PRKCE: variants seen among roughly 807,000 people sequenced by gnomAD.
PRKCE encodes protein kinase C epsilon type.
Under a neutral mutation model 85.4 loss-of-function variants are expected in PRKCE, and 16 were observed. The observed-to-expected ratio is 0.19, with a 90% CI of 0.13 to 0.28. The LOEUF is 0.28. PRKCE is among the 10% of genes least tolerant of loss of function. PRKCE has a pLI of 1.00. For synonymous variants in PRKCE, 388 were observed against 371.5 expected, an observed-to-expected ratio of 1.04 and a Z score of -0.51; for missense variants, 573 against 975.2, an observed-to-expected ratio of 0.59 and a Z score of 5.49.
chr2:46,136,836 C>A (rs1262464972), intron 11 of PRKCE, among the ~76,000 whole-genome samples: 5 of 152,214 alleles, frequency 3.3e-5, no homozygotes, highest in African/African-American at 1.2e-4. Context: ...TCTCACCGGG[C>A]TATGCTAAAA....
At chr2:45,853,395 A>T (rs1222710588) in intron 2 of PRKCE, among the ~76,000 whole-genome samples, 4 of 152,158 alleles carry the variant, frequency 2.6e-5, no homozygotes, top group African/African-American at 9.7e-5. Flanking sequence ...AGGATATTGA[A>T]TTTTTTGTTT....
chr2:45,735,999 C>A (rs1042077702), intron 1 of PRKCE, among the ~76,000 whole-genome samples: 1 of 152,150 alleles, frequency 6.6e-6, no homozygotes, highest in Non-Finnish European at 1.5e-5. Context: ...GTCTCACCGT[C>A]ACCCAGGCTG....
chr2:45,847,213 C>G (rs772645007), intron 2 of PRKCE, among the ~76,000 whole-genome samples: 3 of 152,236 alleles, frequency 2.0e-5, no homozygotes, highest in Non-Finnish European at 2.9e-5. Context: ...CTGAGCCACT[C>G]ATTTGCATTC....
chr2:45,932,745 G>T (rs1194974846), intron 2 of PRKCE, among the ~76,000 whole-genome samples: 2 of 151,906 alleles, frequency 1.3e-5, no homozygotes, highest in East Asian at 3.9e-4. Flanking sequence ...AACCTTTTTC[G>T]TCTTTCCAAG....
intron 2 of PRKCE, among the ~76,000 whole-genome samples, chr2:45,917,073 A>C (rs1003743375): frequency 6.6e-6 from 1 of 152,288 alleles, no homozygotes; most frequent in African/African-American, 2.4e-5. Flanking sequence ...CTGCTGGCTC[A>C]GGCAGCCTGC....
chr2:46,045,626 C>T (rs1317821222), intron 10 of PRKCE, among the ~76,000 whole-genome samples: 1 of 152,212 alleles, frequency 6.6e-6, no homozygotes, highest in Non-Finnish European at 1.5e-5. Context: ...CGCCTGTAAT[C>T]CCAGCACTTT....
At chr2:46,131,693 G>A (rs1336058393) in intron 11 of PRKCE, among the ~76,000 whole-genome samples, 1 of 152,200 alleles carries the variant, frequency 6.6e-6, no homozygotes, top group Non-Finnish European at 1.5e-5. Flanking sequence ...GAAGGCATGT[G>A]GAGAACATGG....
In PRKCE at chr2:46,184,730, C is replaced by T; in HGVS notation, c.2068-5C>T. 6.3e-7 allele frequency: 1 copy of T among 1,599,384 alleles called. No individual in the cohort carries two copies. Among genetic ancestry groups the T allele is most frequent in the East Asian group, 2.2e-5 (1 of 44,876 alleles). On this transcript the variant is annotated splice_region_variant and splice_polypyrimidine_tract_variant and intron_variant, in intron 14 of 14. Transcript: ENST00000306156. This position sits in a 1 kb window ranked among gnomAD's most constrained non-coding sequence, Gnocchi z 5.0. ...AACTCACCACTTTCTCTTTTCTTCC[C>T]ACAGAAAACCAAAAGAGACGTCAAT...
intron 11 of PRKCE, among the ~76,000 whole-genome samples, chr2:46,140,013 A>G (rs1675358262): frequency 6.6e-6 from 1 of 152,200 alleles, no homozygotes; most frequent in Admixed American, 6.5e-5. Flanking sequence ...TATAAGATCT[A>G]TATGAGAGAA....
At chr2:45,943,605 T>A (rs1270019543) in intron 2 of PRKCE, among the ~76,000 whole-genome samples, 1 of 152,274 alleles carries the variant, frequency 6.6e-6, no homozygotes, top group Non-Finnish European at 1.5e-5. Flanking sequence ...CAGAGCCTTT[T>A]TTTTTCTGTC....
chr2:45,936,212 C>G (rs530477113), intron 2 of PRKCE, among the ~76,000 whole-genome samples: 2 of 152,348 alleles, frequency 1.3e-5, no homozygotes, highest in African/African-American at 4.8e-5. Flanking sequence ...GCTGTGCCCC[C>G]AAGCACCCCT....
At chr2:45,832,603 A>C (rs753283653) in intron 1 of PRKCE, among the ~76,000 whole-genome samples, 1 of 151,574 alleles carries the variant, frequency 6.6e-6, no homozygotes, top group African/African-American at 2.4e-5. Flanking sequence ...GAGCCACCGC[A>C]CCCGGCCAAG....
In PRKCE at chr2:46,155,878, G is replaced by C. The variant is rs13025191; in HGVS notation, c.1921-3728G>C. Among the ~76,000 whole-genome samples, 117,134 of 151,980 alleles carry C rather than the reference G, an allele frequency of 0.77. 45,449 individuals are homozygous for C. The highest frequency in any genetic ancestry group is 0.94 in the East Asian group (4,879 of 5,164). ...CCTCCTAACGGGCAGCCCTTCTTGT[G>C]TCCTTCTCATCTCTGTACGTCTATC... On this transcript the variant is annotated intron_variant, in intron 13 of 14. Coordinates refer to ENST00000306156, the MANE Select transcript of PRKCE (RefSeq NM_005400.3). This position sits in a 1 kb window ranked among gnomAD's most constrained non-coding sequence, Gnocchi z 4.7.
At chr2:46,129,549 T>G (rs1023420807) in intron 11 of PRKCE, among the ~76,000 whole-genome samples, 7 of 152,248 alleles carry the variant, frequency 4.6e-5, no homozygotes, top group Non-Finnish European at 8.8e-5. Context: ...CCATGAATAT[T>G]TGAATACATG....
At chr2:45,834,176 G>A (rs1165004652) in intron 1 of PRKCE, among the ~76,000 whole-genome samples, 1 of 152,170 alleles carries the variant, frequency 6.6e-6, no homozygotes, top group Admixed American at 6.5e-5. Flanking sequence ...GTGGGCCTCT[G>A]GTCCAGCCAA....
chr2:45,771,292 G>A (rs570007895), intron 1 of PRKCE, among the ~76,000 whole-genome samples: 6 of 152,350 alleles, frequency 3.9e-5, no homozygotes, highest in African/African-American at 1.4e-4. Flanking sequence ...AGCAGCATCT[G>A]TTTATATAGG....
At chr2:45,793,604 T>C (rs1687195571) in intron 1 of PRKCE, among the ~76,000 whole-genome samples, 1 of 152,222 alleles carries the variant, frequency 6.6e-6, no homozygotes, top group Non-Finnish European at 1.5e-5. Context: ...TCTCTGATGC[T>C]CTGGCCTTTG....
At position 46,145,821 on chromosome 2, in the gene PRKCE, T is replaced by C. The variant is rs1020446; in HGVS notation, c.1731+590T>C. Among the ~76,000 whole-genome samples, 17,243 of 152,032 alleles carry C rather than the reference T, an allele frequency of 0.11. 1,144 individuals are homozygous for C. Among genetic ancestry groups the C allele is most frequent in the African/African-American group, 0.17 (7,220 of 41,420 alleles). On this transcript the variant is annotated intron_variant, in intron 12 of 14. Coordinates refer to ENST00000306156, the MANE Select transcript of PRKCE (RefSeq NM_005400.3). The surrounding 1 kb of genome is among the most constrained non-coding windows in gnomAD (Gnocchi z 4.6). ...AGGTTGAGGCTATAGTGAGCCATAATTGCACCATTGCACTCCAGCCTGGGT... is the reference window on the plus strand; with the variant it reads ...AGGTTGAGGCTATAGTGAGCCATAACTGCACCATTGCACTCCAGCCTGGGT...
Position 46,139,782 on chromosome 2 carries a change from G to A in PRKCE, c.1593-5311G>A, listed in dbSNP as rs977395615. Among the ~76,000 whole-genome samples, 1 of 151,918 alleles carries A rather than the reference G, an allele frequency of 6.6e-6. No homozygotes were observed. The highest frequency in any genetic ancestry group is 1.5e-5 in the Non-Finnish European group (1 of 68,002). ...ATAGAAGGAGGAAAGAAAAAGAAGA[G>A]TAAGGCTCTTCCTTTTAAGGAGACT... On this transcript the variant is annotated intron_variant, in intron 11 of 14. Transcript: ENST00000306156. This position sits in a 1 kb window ranked among gnomAD's most constrained non-coding sequence, Gnocchi z 5.2.
Sources: gnomAD v4.1 joint callset for allele counts (sites outside exome capture counted in the v4.1 genomes callset) on GRCh38, gnomAD v4.1.1 for gene constraint, Gnocchi (gnomAD v3.1) non-coding constraint, MANE v1.5 for transcripts, NCBI Gene and HGNC (gene_info 2026-07-23, HGNC 2026-07-21) for gene names.